The following MAML3 variants were observed in gnomAD, a reference collection of about 807,000 sequenced individuals.
The protein encoded by MAML3 is mastermind like transcriptional coactivator 3, also known as mastermind-like protein 3.
Under a neutral mutation model 101.9 loss-of-function variants are expected in MAML3, and 27 were observed. The observed-to-expected ratio is 0.27, with a 90% CI of 0.20 to 0.37. The LOEUF is 0.37. MAML3 is among the 10% of genes least tolerant of loss of function. The pLI is 1.00. For missense variants in MAML3, 1,316 were observed against 1,444.9 expected (o/e 0.91, Z 1.45); for synonymous variants, 501 against 555.9 (o/e 0.90, Z 1.39).
At chr4:139,836,130 C>T (rs2111139322) in intron 2 of MAML3, among the ~76,000 whole-genome samples, 1 of 152,322 alleles carries the variant, frequency 6.6e-6, no homozygotes, top group East Asian at 1.9e-4. Flanking sequence ...GATATTGAAC[C>T]TCACCATTCT....
chr4:140,118,174 T>C (rs1221614236), intron 1 of MAML3, among the ~76,000 whole-genome samples: 4 of 151,738 alleles, frequency 2.6e-5, no homozygotes, highest in African/African-American at 9.7e-5. Context: ...GTTTTTTTTT[T>C]TTCCCTACCG....
intron 1 of MAML3, among the ~76,000 whole-genome samples, chr4:139,898,523 C>T (rs1355685637): frequency 6.6e-6 from 1 of 152,238 alleles, no homozygotes; most frequent in African/African-American, 2.4e-5. Context: ...TCAAGTGGTT[C>T]TCACCCACTA....
At chr4:139,995,818 G>C (rs1201663466) in intron 1 of MAML3, among the ~76,000 whole-genome samples, 2 of 150,466 alleles carry the variant, frequency 1.3e-5, no homozygotes, top group African/African-American at 4.9e-5. Flanking sequence ...AATCTTTATT[G>C]TTTCCTTCTG....
chr4:139,954,054 T>C (rs920875260), intron 1 of MAML3, among the ~76,000 whole-genome samples: 1 of 152,244 alleles, frequency 6.6e-6, no homozygotes, highest in African/African-American at 2.4e-5. Flanking sequence ...AACCAAATTG[T>C]TCACAAGTGT....
intron 1 of MAML3, among the ~76,000 whole-genome samples, chr4:140,069,136 T>C (rs1345378060): frequency 6.6e-6 from 1 of 152,218 alleles, no homozygotes; most frequent in Admixed American, 6.5e-5. Flanking sequence ...TCTATCAGCT[T>C]CGACTTTACA....
intron 2 of MAML3, among the ~76,000 whole-genome samples, chr4:139,864,923 C>CTTGTTTT (rs56928318): frequency 0.045 from 2,826 of 62,354 alleles, 1,054 homozygotes; most frequent in East Asian, 0.071. Context: ...TGCAAACTTG[C>CTTGTTTT]TTTTTTTTTT....
intron 1 of MAML3, among the ~76,000 whole-genome samples, chr4:139,944,036 A>G (rs897293770): frequency 6.6e-6 from 1 of 151,570 alleles, no homozygotes; most frequent in African/African-American, 2.4e-5. Context: ...ACACCCGACT[A>G]ATATTTTGTA....
intron 1 of MAML3, among the ~76,000 whole-genome samples, chr4:140,077,198 C>T (rs113132746): frequency 1.3e-3 from 198 of 152,310 alleles, no homozygotes; most frequent in African/African-American, 4.4e-3. Context: ...CTATCTCCAA[C>T]AAACATTTTC....
chr4:139,924,275 T>C (rs1409763387), intron 1 of MAML3, among the ~76,000 whole-genome samples: 2 of 152,218 alleles, frequency 1.3e-5, no homozygotes, highest in Non-Finnish European at 2.9e-5. Flanking sequence ...AGATACTATT[T>C]TGTTAACAGC....
intron 2 of MAML3, among the ~76,000 whole-genome samples, chr4:139,863,150 CAAAA>C (rs34108210): frequency 0.54 from 61,394 of 113,872 alleles, 16,020 homozygotes; most frequent in African/African-American, 0.75. Flanking sequence ...ACTCTGTCTC[CAAAA>C]AAAAAAAAAA....
At chr4:140,003,424 G>T (rs1726370169) in intron 1 of MAML3, among the ~76,000 whole-genome samples, 1 of 152,090 alleles carries the variant, frequency 6.6e-6, no homozygotes, top group Non-Finnish European at 1.5e-5. Flanking sequence ...TAGTATTGGG[G>T]GGTAATAGGC....
chr4:139,912,584 T>C (rs1732944403), intron 1 of MAML3, among the ~76,000 whole-genome samples: 2 of 152,240 alleles, frequency 1.3e-5, no homozygotes, highest in South Asian at 4.1e-4. Context: ...ATGAAATTCA[T>C]TAAGATGAGG....
At chr4:139,743,076 A>G (rs114881676) in intron 2 of MAML3, among the ~76,000 whole-genome samples, 2,742 of 152,190 alleles carry the variant, frequency 0.018, 47 homozygotes, top group Non-Finnish European at 0.028. Context: ...TTTCTCCTCT[A>G]GCTAGTTGAC....
intron 2 of MAML3, among the ~76,000 whole-genome samples, chr4:139,781,913 T>A (rs1165227403): frequency 6.6e-6 from 1 of 152,178 alleles, no homozygotes; most frequent in East Asian, 1.9e-4. Context: ...TGTTCTTTGA[T>A]AGAATAATAA....
intron 2 of MAML3, among the ~76,000 whole-genome samples, chr4:139,762,785 C>T (rs1054584665): frequency 2.6e-5 from 4 of 152,174 alleles, no homozygotes; most frequent in South Asian, 4.2e-4. Context: ...AAACTGTTCT[C>T]TGTAGACCTC....
intron 1 of MAML3, among the ~76,000 whole-genome samples, chr4:140,041,713 T>C (rs1302075899): frequency 6.6e-6 from 1 of 152,180 alleles, no homozygotes; most frequent in African/African-American, 2.4e-5. Context: ...ATTAAATCCA[T>C]CCCACCTCCT....
intron 1 of MAML3, among the ~76,000 whole-genome samples, chr4:140,026,583 C>G (rs189352676): frequency 6.6e-6 from 1 of 152,234 alleles, no homozygotes; most frequent in East Asian, 1.9e-4. Context: ...AAATAAAAAC[C>G]TTTACGACAG....
At chr4:140,009,566 G>GT (rs1461838388) in intron 1 of MAML3, among the ~76,000 whole-genome samples, 2 of 152,142 alleles carry the variant, frequency 1.3e-5, no homozygotes, top group Non-Finnish European at 2.9e-5. Flanking sequence ...CCATTCAACT[G>GT]TAACATGCTA....
intron 2 of MAML3, among the ~76,000 whole-genome samples, chr4:139,879,266 T>C (rs1391043149): frequency 6.6e-6 from 1 of 151,910 alleles, no homozygotes; most frequent in Non-Finnish European, 1.5e-5. Flanking sequence ...TGGCTCACGC[T>C]TGTAATTCCA....
Sources: allele counts gnomAD v4.1 joint callset (sites outside exome capture counted in the v4.1 genomes callset), GRCh38; gene constraint gnomAD v4.1.1; transcripts MANE v1.5; gene names NCBI Gene and HGNC (gene_info 2026-07-23, HGNC 2026-07-21).